Variants in ARFGEF3 observed in about 807,000 individuals in gnomAD.
The protein encoded by ARFGEF3 is ARFGEF family member 3, also known as brefeldin A-inhibited guanine nucleotide-exchange protein 3.
In ARFGEF3, 96 loss-of-function variants were observed where a neutral mutation model predicts 221.7. The observed-to-expected ratio is 0.43, with a 90% confidence interval of 0.37 to 0.51. The LOEUF (loss-of-function observed/expected upper bound fraction) is 0.51, where lower values mean the gene tolerates loss of function less well. Among genes scored for constraint, ARFGEF3 ranks in the 20% least tolerant of loss-of-function variants. ARFGEF3 has a pLI of 0.00. For missense variants in ARFGEF3, 2,410 were observed against 2,789.9 expected (o/e 0.86, Z 3.07); for synonymous variants, 1,145 against 1,126.8 (o/e 1.02, Z -0.32).
At position 138,161,969 on chromosome 6, in the gene ARFGEF3, A is replaced by C; in HGVS notation, c.-118A>C. The stretch of plus-strand genomic sequence containing the variant: ...TCATCAGCATCCGCGCCGGGGCGGC[A>C]TGGGGGCGCGCGCGGCGGCCGCCTA... On this transcript the variant is annotated 5_prime_UTR_variant, in exon 1 of 34. It removes an upstream start codon present in the reference 5' UTR. Transcript: ENST00000251691. 2.6e-6 allele frequency: 1 copy of C among 377,418 alleles called. No homozygotes were observed. Among genetic ancestry groups the C allele is most frequent in the East Asian group, 6.7e-5 (1 of 14,926 alleles). 23.4% of individuals were successfully genotyped at this position (377,418 alleles called of 1,614,324 possible).
intron 2 of ARFGEF3, among the ~76,000 whole-genome samples, chr6:138,197,210 G>T (rs1355581601): frequency 1.3e-5 from 2 of 152,130 alleles, no homozygotes; most frequent in East Asian, 1.9e-4. Context: ...GACCTACACA[G>T]GGTCAGGATC....
chr6:138,285,888 G>T, intron 14 of ARFGEF3, 58 bp from the exon 15 acceptor site: 1 of 995,672 alleles, frequency 1.0e-6, no homozygotes, highest in Non-Finnish European at 1.6e-6. Context: ...GTGGCCATTT[G>T]CTTGTTTTTG....
chr6:138,210,437 G>A (rs1313360790), intron 4 of ARFGEF3, among the ~76,000 whole-genome samples: 1 of 152,014 alleles, frequency 6.6e-6, no homozygotes, highest in African/African-American at 2.4e-5. Context: ...GGTCAGTTTA[G>A]GGACAGAAAG....
At chr6:138,163,830 A>G (rs1216860847) in intron 1 of ARFGEF3, among the ~76,000 whole-genome samples, 3 of 152,188 alleles carry the variant, frequency 2.0e-5, no homozygotes, top group African/African-American at 7.2e-5. Context: ...AAATAGTTAA[A>G]TAATAGTGCA....
At chr6:138,240,267 TTATAA>T (rs948641571) in intron 6 of ARFGEF3, among the ~76,000 whole-genome samples, 3 of 152,192 alleles carry the variant, frequency 2.0e-5, no homozygotes, top group African/African-American at 7.2e-5. Flanking sequence ...TTGAGAAATC[TTATAA>T]TATACACTCA....
intron 1 of ARFGEF3, among the ~76,000 whole-genome samples, chr6:138,167,506 G>A (rs947955975): frequency 6.6e-6 from 1 of 152,066 alleles, no homozygotes; most frequent in African/African-American, 2.4e-5. Context: ...ACTCACCTCT[G>A]GTGTTTCTAA....
intron 2 of ARFGEF3, among the ~76,000 whole-genome samples, chr6:138,178,387 CA>C (rs1206762190): frequency 2.6e-5 from 4 of 152,164 alleles, no homozygotes; most frequent in African/African-American, 9.7e-5. Context: ...CTCTCTTCAT[CA>C]AAATTGCCCA....
intron 10 of ARFGEF3, among the ~76,000 whole-genome samples, chr6:138,256,048 G>C (rs1407710260): frequency 6.6e-6 from 1 of 152,158 alleles, no homozygotes; most frequent in Non-Finnish European, 1.5e-5. Flanking sequence ...CCAGGCCCAT[G>C]CTGAGATTTC....
chr6:138,255,686 C>A lies in ARFGEF3; in HGVS notation c.1021C>A (p.Pro341Thr). ...RLVGSVDSMKPVLQSLYHRVL... is the reference protein window; with the variant it reads ...RLVGSVDSMKTVLQSLYHRVL... Reference sequence around the variant, plus strand: ...GGTGGGGTCTGTGGACTCCATGAAGCCCGTGCTCCAGTCCCTCTACCACCG... The same window carrying A: ...GGTGGGGTCTGTGGACTCCATGAAGACCGTGCTCCAGTCCCTCTACCACCG... The change falls in exon 10 of 34, where the codon CCC (proline) becomes ACC (threonine). Residue 341 changes from proline to threonine, a missense_variant. Physicochemically the swap from Pro to Thr is conservative, Grantham distance 38. Around this residue, in one of 5 missense-constraint regions of ARFGEF3, gnomAD observed 570 missense variants for 586.9 expected, o/e 0.97. Transcript: ENST00000251691. The A allele has an allele frequency of 1.2e-6, 2 of 1,613,316 alleles. No individual in the cohort carries two copies. Among genetic ancestry groups the A allele is most frequent in the South Asian group, 1.1e-5 (1 of 90,940 alleles).
intron 12 of ARFGEF3, among the ~76,000 whole-genome samples, chr6:138,273,872 G>C (rs958072985): frequency 2.0e-5 from 3 of 152,170 alleles, no homozygotes; most frequent in Non-Finnish European, 2.9e-5. Flanking sequence ...GAAAATGGCT[G>C]TTTTCTTTAA....
chr6:138,290,247 AC>A (rs1434525486), intron 18 of ARFGEF3, among the ~76,000 whole-genome samples: 1 of 152,192 alleles, frequency 6.6e-6, no homozygotes, highest in Admixed American at 6.5e-5. Context: ...AGGAAGAAAA[AC>A]CAATTAAATA....
chr6:138,214,841 CTT>C (rs1777805908), intron 4 of ARFGEF3, among the ~76,000 whole-genome samples: 1 of 152,134 alleles, frequency 6.6e-6, no homozygotes, highest in Non-Finnish European at 1.5e-5. Flanking sequence ...GGTTAAATCA[CTT>C]AGTCTAGGAA....
chr6:138,208,515 T>C (rs1777664466), intron 3 of ARFGEF3, among the ~76,000 whole-genome samples: 1 of 152,150 alleles, frequency 6.6e-6, no homozygotes, highest in African/African-American at 2.4e-5. Flanking sequence ...GGATCAGAAT[T>C]CTCAAAGTTC....
At position 138,255,509 on chromosome 6, in the gene ARFGEF3, A is replaced by C. The variant is rs761471032; in HGVS notation, c.844A>C (p.Thr282Pro). ...IHDKTITSAH[T>P]SSTSTSLESD... ...TGACAAAACCATCACCTCTGCTCAC[A>C]CCAGCAGCACCAGTACCAGCCTGGA... The change falls in exon 10 of 34, where the codon ACC (threonine) becomes CCC (proline). Residue 282 changes from threonine to proline, a missense_variant. Coordinates refer to ENST00000251691, the MANE Select transcript of ARFGEF3 (RefSeq NM_020340.5). 1 of 1,613,988 alleles carries C rather than the reference A, an allele frequency of 6.2e-7. No homozygotes were observed. Among genetic ancestry groups the C allele is most frequent in the Non-Finnish European group, 8.5e-7 (1 of 1,179,870 alleles).
rs764147210 is a variant in ARFGEF3 at position 138,243,027 on chromosome 6, T to C, written c.586+33T>C. 1.8e-5 allele frequency: 29 copies of C among 1,581,036 alleles called. No individual in the cohort carries two copies. In the East Asian group the frequency reaches 2.9e-4, roughly 16 times the overall value. On this transcript the variant is annotated intron_variant, in intron 7 of 33. Coordinates refer to ENST00000251691, the MANE Select transcript of ARFGEF3 (RefSeq NM_020340.5). Reference sequence around the variant, plus strand: ...ATTTGATTTGTACTAGTTCAGTTTTTAAAGCAGGTGTGAGAATGCCTACTG... The same window carrying C: ...ATTTGATTTGTACTAGTTCAGTTTTCAAAGCAGGTGTGAGAATGCCTACTG...
chr6:138,314,840 T>C (rs1369745912), intron 26 of ARFGEF3, among the ~76,000 whole-genome samples: 1 of 152,248 alleles, frequency 6.6e-6, no homozygotes, highest in Non-Finnish European at 1.5e-5. Context: ...ATCATAAGAA[T>C]GAGCATCTAT....
intron 5 of ARFGEF3, among the ~76,000 whole-genome samples, chr6:138,234,119 G>A (rs1333793747): frequency 6.6e-6 from 1 of 152,154 alleles, no homozygotes; most frequent in African/African-American, 2.4e-5. Context: ...CCTCTTACTT[G>A]CATGGCTTGT....
At chr6:138,241,619 A>G (rs767071815) in intron 6 of ARFGEF3, among the ~76,000 whole-genome samples, 2 of 152,294 alleles carry the variant, frequency 1.3e-5, no homozygotes, top group East Asian at 3.9e-4. Context: ...ATAAAACTCA[A>G]TTGATTGAGA....
At chr6:138,267,088 G>A (rs1308972600) in intron 12 of ARFGEF3, among the ~76,000 whole-genome samples, 2 of 151,676 alleles carry the variant, frequency 1.3e-5, no homozygotes, top group African/African-American at 4.8e-5. Context: ...GTGTATTAGA[G>A]TGCAGCATGG....
Sources: allele counts gnomAD v4.1 joint callset (sites outside exome capture counted in the v4.1 genomes callset), GRCh38; gene constraint gnomAD v4.1.1; regional missense constraint gnomAD v4.1.1; transcripts MANE v1.5; gene names NCBI Gene and HGNC (gene_info 2026-07-23, HGNC 2026-07-21).